DNAH7: variants seen among roughly 807,000 people sequenced by gnomAD.
DNAH7 encodes axonemal beta dynein heavy chain 7.
DNAH7 carries 397 observed loss-of-function variants against 444.6 expected under a neutral mutation model. The ratio of observed to expected loss-of-function variants is 0.89; its 90% CI spans 0.82 to 0.97. DNAH7 has a LOEUF of 0.97. Among genes scored for constraint, DNAH7 ranks in the 50% least tolerant of loss-of-function variants. The pLI, the probability that DNAH7 is intolerant of heterozygous loss-of-function variation, is 0.00. For synonymous variants in DNAH7, 1,636 were observed against 1,624.4 expected (o/e 1.01, Z -0.17); for missense variants, 4,902 against 4,800.8 (o/e 1.02, Z -0.62).
chr2:196,045,980 CCAT>C (rs1697097925), intron 5 of DNAH7, among the ~76,000 whole-genome samples: 1 of 151,866 alleles, frequency 6.6e-6, no homozygotes, highest in South Asian at 2.1e-4. Context: ...TTCAGTAAGT[CCAT>C]CTATATCCTG....
chr2:195,918,451 T>C (rs895671902), intron 24 of DNAH7, among the ~76,000 whole-genome samples: 3 of 152,254 alleles, frequency 2.0e-5, no homozygotes, highest in Non-Finnish European at 4.4e-5. Flanking sequence ...TAAAACGATG[T>C]CCACCCAAAA....
chr2:195,976,815 G>T (rs1692244121), intron 15 of DNAH7, among the ~76,000 whole-genome samples: 1 of 144,030 alleles, frequency 6.9e-6, no homozygotes, highest in Admixed American at 7.2e-5. Context: ...GAGAAATTAA[G>T]GGAAGAGAAT....
chr2:195,771,738 A>T lies in DNAH7; in HGVS notation c.11355T>A (p.Leu3785=), dbSNP rs763200107. 1 of 1,614,054 alleles carries T rather than the reference A, an allele frequency of 6.2e-7. No individual in the cohort carries two copies. Among genetic ancestry groups the T allele is most frequent in the East Asian group, 2.2e-5 (1 of 44,886 alleles). ...TATTGAACCGTCCCATCTCTTGGAC[A>T]AGTACAGTGTTCATGCTCTGAGTAT... ...TTYTQSMNTV[L]VQEMGRFNKL... is the part of the protein sequence containing the mutation. The change falls in exon 61 of 65, where the codon CTT becomes CTA. Residue 3785 remains leucine (L), a synonymous_variant. Coordinates refer to ENST00000312428, the MANE Select transcript of DNAH7 (RefSeq NM_018897.3).
At chr2:195,900,515 A>G (rs924958299) in intron 27 of DNAH7, 21 bp from the exon 28 acceptor site, 3 of 1,604,994 alleles carry the variant, frequency 1.9e-6, no homozygotes, top group Non-Finnish European at 2.6e-6. Flanking sequence ...GTAGAAAGTT[A>G]CTTTTAAAAG....
At chr2:195,778,810 T>C (rs980929581) in intron 58 of DNAH7, among the ~76,000 whole-genome samples, 6 of 148,500 alleles carry the variant, frequency 4.0e-5, no homozygotes, top group Non-Finnish European at 7.4e-5. Flanking sequence ...ATTTGACAAT[T>C]TGAATCATAT....
chr2:195,940,384 A>C (rs1689344110), intron 19 of DNAH7, among the ~76,000 whole-genome samples: 1 of 152,230 alleles, frequency 6.6e-6, no homozygotes, highest in African/African-American at 2.4e-5. Flanking sequence ...AAGATTGGTT[A>C]AAGACTTAAT....
At chr2:196,059,161 T>C (rs1697996379) in intron 1 of DNAH7, among the ~76,000 whole-genome samples, 1 of 151,090 alleles carries the variant, frequency 6.6e-6, no homozygotes, top group Non-Finnish European at 1.5e-5. Context: ...TAACTAAAAC[T>C]TCAATTTTTT....
intron 17 of DNAH7, among the ~76,000 whole-genome samples, chr2:195,962,453 G>A (rs1007397721): frequency 1.4e-4 from 21 of 152,132 alleles, no homozygotes; most frequent in African/African-American, 4.6e-4. Context: ...GGGCTCAAAT[G>A]ATCCTCCCAC....
At chr2:195,951,219 G>T (rs1690234090) in intron 19 of DNAH7, among the ~76,000 whole-genome samples, 1 of 152,132 alleles carries the variant, frequency 6.6e-6, no homozygotes, top group African/African-American at 2.4e-5. Context: ...TTCAGGAGCA[G>T]GTTGTTCAGT....
chr2:195,776,951 A>G (rs2105950704), intron 59 of DNAH7, among the ~76,000 whole-genome samples: 1 of 152,256 alleles, frequency 6.6e-6, no homozygotes, highest in South Asian at 2.1e-4. Flanking sequence ...TTGGCAATTC[A>G]TCATTGGAGA....
intron 63 of DNAH7, among the ~76,000 whole-genome samples, chr2:195,751,935 A>C (rs915745111): frequency 6.6e-6 from 1 of 152,186 alleles, no homozygotes; most frequent in African/African-American, 2.4e-5. Flanking sequence ...GGGTAATGAC[A>C]GTAGGGAGAC....
At chr2:195,989,038 G>A (rs548130952) in intron 12 of DNAH7, among the ~76,000 whole-genome samples, 1 of 152,100 alleles carries the variant, frequency 6.6e-6, no homozygotes, top group Non-Finnish European at 1.5e-5. Context: ...TAGCTGAATT[G>A]TATTCCACTG....
At position 195,926,577 on chromosome 2, in the gene DNAH7, A is replaced by G. The variant is rs2125371220; in HGVS notation, c.3472-11T>C. 1.3e-6 allele frequency: 2 copies of G among 1,581,004 alleles called. No individual in the cohort carries two copies. The highest frequency in any genetic ancestry group is 1.7e-4 in the Middle Eastern group (1 of 5,940). On this transcript the variant is annotated splice_polypyrimidine_tract_variant and intron_variant, in intron 21 of 64. Transcript: ENST00000312428. ...TGCATCTCCAGTTACCTAATCAAAA[A>G]AGAATATGCTAAATATTAACCATTT...
chr2:195,882,283 T>C (rs945719863), intron 35 of DNAH7, among the ~76,000 whole-genome samples: 6 of 152,224 alleles, frequency 3.9e-5, no homozygotes, highest in African/African-American at 1.4e-4. Flanking sequence ...AATGTTAGAT[T>C]ATTTAATGGC....
chr2:195,991,999 C>T (rs1261763409), intron 12 of DNAH7, among the ~76,000 whole-genome samples: 1 of 152,126 alleles, frequency 6.6e-6, no homozygotes, highest in Non-Finnish European at 1.5e-5. Context: ...GTTTTTAAAA[C>T]AATAAATACA....
At chr2:196,024,328 T>C in intron 8 of DNAH7, 101 bp downstream of exon 8, 1 of 716,736 alleles carries the variant, frequency 1.4e-6, no homozygotes, top group Non-Finnish European at 2.1e-6. Context: ...TACATTTATA[T>C]ATAAATTATA....
In DNAH7 at chr2:195,868,872, G is replaced by T. The variant is rs114770517; in HGVS notation, c.6633+3378C>A. Among the ~76,000 whole-genome samples, 227 of 148,376 alleles carry T rather than the reference G, an allele frequency of 1.5e-3. 2 individuals carry two copies. Among genetic ancestry groups the T allele is most frequent in the African/African-American group, 5.4e-3 (217 of 40,038 alleles). ...GAAACCATTTAGTGAAATTATATAAGGTTATCTAGTATGATAATGATGTCT... is the reference window on the plus strand; with the variant it reads ...GAAACCATTTAGTGAAATTATATAATGTTATCTAGTATGATAATGATGTCT... On this transcript the variant is annotated intron_variant, in intron 40 of 64. Transcript: ENST00000312428.
In DNAH7 at chr2:195,858,583, T is replaced by G; in HGVS notation, c.7958A>C (p.Glu2653Ala). The G allele has an allele frequency of 6.2e-7, 1 of 1,614,024 alleles. No homozygotes were observed. Among genetic ancestry groups the G allele is most frequent in the Non-Finnish European group, 8.5e-7 (1 of 1,179,962 alleles). ...GATGGCTTTGGAAGCCATAGCTTGT[T>G]CATTCGCTATTGTTTCATCAGCTTT... Reference protein sequence around the residue: ...IVKADETIANEQAMASKAIKD... With the variant: ...IVKADETIANAQAMASKAIKD... Residue 2653 changes from glutamate to alanine, a missense_variant, in exon 43 of 65, where the codon GAA becomes GCA. Coordinates refer to ENST00000312428, the MANE Select transcript of DNAH7 (RefSeq NM_018897.3).
chr2:195,826,451 A>G (rs960882587), intron 48 of DNAH7, among the ~76,000 whole-genome samples: 3 of 152,240 alleles, frequency 2.0e-5, no homozygotes, highest in African/African-American at 7.2e-5. Flanking sequence ...TAAATCAGCT[A>G]GTAAATGACA....
Sources: allele counts gnomAD v4.1 joint callset (sites outside exome capture counted in the v4.1 genomes callset), GRCh38; gene constraint gnomAD v4.1.1; transcripts MANE v1.5; gene names NCBI Gene and HGNC (gene_info 2026-07-23, HGNC 2026-07-21).